Variants in P2RY14 observed in about 807,000 individuals in gnomAD.
The protein encoded by P2RY14 is P2Y purinoceptor 14.
P2RY14 carries 2 observed loss-of-function variants against 0.9 expected under a neutral mutation model. The observed-to-expected ratio is 2.16, with a 90% CI of 0.88 to 6.79. The LOEUF (loss-of-function observed/expected upper bound fraction) is 6.79. P2RY14 is among the 30% of genes most tolerant of loss of function. The pLI, the probability that P2RY14 is intolerant of heterozygous loss-of-function variation, is 0.05. For missense variants in P2RY14, 378 were observed against 400.1 expected, an observed-to-expected ratio of 0.94 and a Z score of 0.47; for synonymous variants, 158 against 147.2, an observed-to-expected ratio of 1.07 and a Z score of -0.53.
At chr3:151,214,580 T>C (rs1173344467) in intron 2 of P2RY14, among the ~76,000 whole-genome samples, 8 of 135,080 alleles carry the variant, frequency 5.9e-5, no homozygotes, top group African/African-American at 1.9e-4. Context: ...CCCCCACTCC[T>C]TTCTTCCTTC....
intron 1 of P2RY14, among the ~76,000 whole-genome samples, chr3:151,267,158 C>A (rs1167377754): frequency 6.6e-6 from 1 of 152,160 alleles, no homozygotes; most frequent in Non-Finnish European, 1.5e-5. Context: ...GAACTATCAA[C>A]TAAACACTTC....
intron 2 of P2RY14, among the ~76,000 whole-genome samples, chr3:151,217,246 T>A (rs892027493): frequency 3.3e-5 from 5 of 152,182 alleles, no homozygotes; most frequent in African/African-American, 9.7e-5. Context: ...ATGAGAGACA[T>A]AATTCCTTTT....
intron 1 of P2RY14, among the ~76,000 whole-genome samples, chr3:151,260,091 G>T (rs759748071): frequency 6.6e-6 from 1 of 152,174 alleles, no homozygotes; most frequent in Non-Finnish European, 1.5e-5. Flanking sequence ...TGATGGGTGG[G>T]ACTGGGGACA....
intron 1 of P2RY14, among the ~76,000 whole-genome samples, chr3:151,248,465 G>A (rs1007262568): frequency 6.6e-5 from 10 of 151,920 alleles, no homozygotes; most frequent in Admixed American, 3.9e-4. Flanking sequence ...CAGTATATTC[G>A]TTCTTTATTG....
At chr3:151,270,520 G>A (rs971132627) in intron 1 of P2RY14, among the ~76,000 whole-genome samples, 9 of 152,166 alleles carry the variant, frequency 5.9e-5, no homozygotes, top group African/African-American at 1.4e-4. Context: ...GAATTTTAGC[G>A]CTTTTCTTCC....
intron 1 of P2RY14, among the ~76,000 whole-genome samples, chr3:151,255,093 T>A (rs1284884182): frequency 1.3e-5 from 2 of 152,148 alleles, no homozygotes; most frequent in East Asian, 3.8e-4. Flanking sequence ...AGAGAAGCGC[T>A]TAAAAGATAG....
chr3:151,246,464 C>T (rs926008317), intron 1 of P2RY14, among the ~76,000 whole-genome samples: 4 of 151,996 alleles, frequency 2.6e-5, no homozygotes, highest in Admixed American at 6.6e-5. Context: ...AGAAATAACG[C>T]CGCATATCTA....
intron 1 of P2RY14, among the ~76,000 whole-genome samples, chr3:151,263,380 G>T (rs568080855): frequency 3.3e-5 from 5 of 152,278 alleles, no homozygotes; most frequent in African/African-American, 1.2e-4. Context: ...GGAACCAGAA[G>T]GAAATGTACA....
At chr3:151,246,203 A>G (rs1336152687) in intron 1 of P2RY14, among the ~76,000 whole-genome samples, 2 of 152,198 alleles carry the variant, frequency 1.3e-5, no homozygotes, top group African/African-American at 2.4e-5. Context: ...GCTCAAGGTA[A>G]TTTATAGATT....
rs763236342 is a variant in P2RY14 at position 151,214,063 on chromosome 3, C to T, written c.254G>A (p.Gly85Asp). 14 of 1,614,002 alleles carry T rather than the reference C, an allele frequency of 8.7e-6. No homozygotes were observed. In the African/African-American group the frequency reaches 1.7e-4, roughly 20 times the overall value. Reference protein sequence around the residue: ...PFKILGDSGLGPWQLNVFVCR... With the variant: ...PFKILGDSGLDPWQLNVFVCR... ...CACAAACACGTTCAGCTGCCAGGGA[C>T]CAAGGCCTGAGTCACCAAGGATCTT... The change falls in exon 3 of 3, where the codon GGT becomes GAT. Residue 85 changes from glycine (G) to aspartate (D), a missense_variant. Coordinates refer to ENST00000309170, the MANE Select transcript of P2RY14 (RefSeq NM_014879.4).
chr3:151,269,713 T>C, intron 1 of P2RY14: 1 of 420,808 alleles, frequency 2.4e-6, no homozygotes, highest in Non-Finnish European at 4.6e-6. Flanking sequence ...TGAAAATCTT[T>C]AGTTTGAAAA....
At position 151,275,159 on chromosome 3, in the gene P2RY14, T is replaced by C. The variant is rs142381522; in HGVS notation, c.-133+3128A>G. Among the ~76,000 whole-genome samples, 1,326 of 152,204 alleles carry C rather than the reference T, an allele frequency of 8.7e-3. 10 individuals carry two copies. Among genetic ancestry groups the C allele is most frequent in the Non-Finnish European group, 0.013 (879 of 68,020 alleles). ...TAGAGTCTAGAGGCTATAAGTGATG[T>C]GATGAAAATAATTGCGTGTGTATGA... is the stretch of plus-strand genomic sequence containing the variant. On this transcript the variant is annotated intron_variant, in intron 1 of 2. Transcript: ENST00000309170.
chr3:151,222,776 C>T (rs1729638897), intron 1 of P2RY14, among the ~76,000 whole-genome samples: 2 of 152,048 alleles, frequency 1.3e-5, no homozygotes, highest in Admixed American at 6.5e-5. Flanking sequence ...TCATTTTTTT[C>T]CCCCAGATCC....
At chr3:151,266,757 A>G (rs906744512) in intron 1 of P2RY14, among the ~76,000 whole-genome samples, 11 of 152,224 alleles carry the variant, frequency 7.2e-5, no homozygotes, top group African/African-American at 2.7e-4. Flanking sequence ...ACATGCAGGA[A>G]ATAGTTAGCT....
At position 151,214,347 on chromosome 3, in the gene P2RY14, AG is replaced by A. The variant is rs755257146; in HGVS notation, c.-24-8del. On this transcript the variant is annotated splice_region_variant and splice_polypyrimidine_tract_variant and intron_variant, in intron 2 of 2. Coordinates refer to ENST00000309170, the MANE Select transcript of P2RY14 (RefSeq NM_014879.4). ...AACTTCTGAAGGCAGAGGCCTGAAA[AG>A]AGGTGTGAACTGGTCACTCATAGGG... 5 of 1,593,486 alleles carry A rather than the reference AG, an allele frequency of 3.1e-6. No individual in the cohort carries two copies. In the East Asian group the frequency reaches 1.1e-4, roughly 36 times the overall value.
intron 1 of P2RY14, among the ~76,000 whole-genome samples, chr3:151,266,308 C>T (rs1027705685): frequency 1.3e-5 from 2 of 152,186 alleles, no homozygotes; most frequent in Admixed American, 6.5e-5. Flanking sequence ...AAAATGTTAA[C>T]AAATTTGTGA....
At chr3:151,259,053 T>C (rs112168339) in intron 1 of P2RY14, among the ~76,000 whole-genome samples, 382 of 152,322 alleles carry the variant, frequency 2.5e-3, no homozygotes, top group African/African-American at 8.8e-3. Flanking sequence ...TCAAATTTAA[T>C]TTTTAAACGC....
chr3:151,262,020 C>T (rs568457857), intron 1 of P2RY14, among the ~76,000 whole-genome samples: 8 of 152,322 alleles, frequency 5.3e-5, no homozygotes, highest in Non-Finnish European at 7.3e-5. Context: ...TGCCACTGCA[C>T]TCAGCTGAAG....
intron 2 of P2RY14, among the ~76,000 whole-genome samples, chr3:151,216,328 T>A (rs547144902): frequency 6.6e-5 from 10 of 152,298 alleles, no homozygotes; most frequent in African/African-American, 2.2e-4. Context: ...TGCATCTTTT[T>A]CATCTGTATT....
Sources: gnomAD v4.1 joint callset for allele counts (sites outside exome capture counted in the v4.1 genomes callset) on GRCh38, gnomAD v4.1.1 for gene constraint, MANE v1.5 for transcripts, NCBI Gene and HGNC (gene_info 2026-07-23, HGNC 2026-07-21) for gene names.